The following MAST4 variants were observed in gnomAD, a reference collection of about 807,000 sequenced individuals.
MAST4 encodes the protein microtubule associated serine/threonine kinase family member 4.
Under a neutral mutation model 162.7 loss-of-function variants are expected in MAST4, and 89 were observed. That is an observed-to-expected ratio of 0.55 (90% CI 0.46 to 0.65). The LOEUF is 0.65. Ranked by LOEUF, MAST4 falls within the 30% of genes least tolerant of loss-of-function variation. The pLI is 0.00. For synonymous variants in MAST4, 1,479 were observed against 1,361.1 expected (o/e 1.09, Z -1.91); for missense variants, 3,153 against 3,374.0 (o/e 0.93, Z 1.62).
intron 1 of MAST4, among the ~76,000 whole-genome samples, chr5:66,665,097 C>G (rs1391665988): frequency 6.6e-6 from 1 of 152,096 alleles, no homozygotes; most frequent in East Asian, 1.9e-4. Context: ...TTCCTCAAAA[C>G]CGATTAAAGA....
intron 2 of MAST4, among the ~76,000 whole-genome samples, chr5:66,779,281 C>A (rs1754742530): frequency 6.6e-6 from 1 of 151,962 alleles, no homozygotes; most frequent in Non-Finnish European, 1.5e-5. Context: ...CTTGGTCCAG[C>A]TTTCAGTTTC....
chr5:66,597,095 G>A, intron 1 of MAST4, 77 bp downstream of exon 1: 3 of 1,312,364 alleles, frequency 2.3e-6, no homozygotes, highest in East Asian at 6.3e-5. Flanking sequence ...CGCACAGGCA[G>A]TGGGCAGGAG....
At chr5:66,610,862 TA>T (rs1272535978) in intron 1 of MAST4, among the ~76,000 whole-genome samples, 2 of 152,222 alleles carry the variant, frequency 1.3e-5, no homozygotes, top group Non-Finnish European at 2.9e-5. Context: ...TCTTTGTCTT[TA>T]GGACATCTTC....
rs113618871 is a variant in MAST4, at chr5:66,915,164, G to A, written c.674+15182G>A. 7.0e-3 allele frequency among the ~76,000 whole-genome samples: 1,066 copies of A among 151,702 alleles called. 15 individuals carry two copies. The highest frequency in any genetic ancestry group is 0.025 in the African/African-American group (1,014 of 41,312). ...ACTTGTAATCCCAGCTATTCAGGAG[G>A]CTGATGCGGGAGAATCATTTGAACC... On this transcript the variant is annotated intron_variant, in intron 4 of 28. Transcript: ENST00000403625.
chr5:66,794,899 T>C lies in MAST4; in HGVS notation c.642+6105T>C, dbSNP rs1357348171. 3.3e-5 allele frequency among the ~76,000 whole-genome samples: 5 copies of C among 152,226 alleles called. No homozygotes were observed. In the South Asian group the frequency reaches 8.3e-4, roughly 25 times the overall value. ...ATATTCAAAGAGCCTTGATGAATAT[T>C]CATCTTTTCCATTTGCAAAAAAGAA... On this transcript the variant is annotated intron_variant, in intron 3 of 28. Coordinates refer to ENST00000403625, the MANE Select transcript of MAST4 (RefSeq NM_001164664.2).
chr5:66,919,621 T>G (rs1250718008), intron 4 of MAST4, among the ~76,000 whole-genome samples: 1 of 137,088 alleles, frequency 7.3e-6, no homozygotes, highest in East Asian at 2.1e-4. Flanking sequence ...AGATCGTCAC[T>G]GCACTCCAGC....
intron 1 of MAST4, among the ~76,000 whole-genome samples, chr5:66,650,807 A>G (rs190647523): frequency 5.9e-5 from 9 of 152,360 alleles, no homozygotes; most frequent in Non-Finnish European, 8.8e-5. Context: ...TCAGTATTCT[A>G]ATACATCACT....
intron 3 of MAST4, among the ~76,000 whole-genome samples, chr5:66,821,741 T>C (rs779686176): frequency 1.4e-4 from 22 of 152,328 alleles, no homozygotes; most frequent in Middle Eastern, 3.4e-3. Context: ...AGCTTTGCTG[T>C]CTGACTTGGG....
At chr5:66,986,498 A>C (rs748055189) in intron 4 of MAST4, 21 of 1,564,964 alleles carry the variant, frequency 1.3e-5, no homozygotes, top group Non-Finnish European at 1.7e-5. Context: ...TTGCCACCAC[A>C]TTAAATAAAA....
At chr5:67,135,293 A>G (rs961075905) in intron 18 of MAST4, among the ~76,000 whole-genome samples, 4 of 152,168 alleles carry the variant, frequency 2.6e-5, no homozygotes, top group African/African-American at 7.2e-5. Context: ...TTAACCTGCA[A>G]GCTGACCCTA....
chr5:66,950,552 G>T (rs1312955397), intron 4 of MAST4, among the ~76,000 whole-genome samples: 1 of 152,126 alleles, frequency 6.6e-6, no homozygotes, highest in Non-Finnish European at 1.5e-5. Context: ...GTCCTTTTGT[G>T]TCTGGCTTAT....
At chr5:67,042,483 T>C (rs1756869857) in intron 4 of MAST4, among the ~76,000 whole-genome samples, 1 of 151,948 alleles carries the variant, frequency 6.6e-6, no homozygotes, top group African/African-American at 2.4e-5. Context: ...AGAAAAGACA[T>C]CTGTCAAGTT....
intron 4 of MAST4, among the ~76,000 whole-genome samples, chr5:66,913,282 C>T (rs71626471): frequency 0.012 from 1,785 of 152,104 alleles, 28 homozygotes; most frequent in South Asian, 0.053. Context: ...TGCTCCCCCA[C>T]CCCCACATCC....
intron 3 of MAST4, among the ~76,000 whole-genome samples, chr5:66,898,719 T>C (rs1762833819): frequency 6.6e-6 from 1 of 152,240 alleles, no homozygotes; most frequent in African/African-American, 2.4e-5. Context: ...AAATTGCTGA[T>C]TGTTTTTCTT....
At chr5:67,038,124 T>TA (rs1756255797) in intron 4 of MAST4, among the ~76,000 whole-genome samples, 2 of 152,150 alleles carry the variant, frequency 1.3e-5, no homozygotes, top group Admixed American at 1.3e-4. Flanking sequence ...GAAAACACCT[T>TA]AACCTATGAT....
intron 3 of MAST4, among the ~76,000 whole-genome samples, chr5:66,863,968 G>A (rs1170589660): frequency 3.9e-5 from 6 of 152,178 alleles, no homozygotes; most frequent in Admixed American, 2.6e-4. Context: ...TTCAATGTGT[G>A]TTTTGCAGGA....
chr5:66,843,604 C>G (rs1758582102), intron 3 of MAST4, among the ~76,000 whole-genome samples: 1 of 152,104 alleles, frequency 6.6e-6, no homozygotes, highest in Non-Finnish European at 1.5e-5. Flanking sequence ...GAAGAAGGAA[C>G]ATAGACTTAA....
chr5:66,815,772 C>T (rs1756688450), intron 3 of MAST4, among the ~76,000 whole-genome samples: 1 of 152,148 alleles, frequency 6.6e-6, no homozygotes, highest in Non-Finnish European at 1.5e-5. Flanking sequence ...ATACATACAT[C>T]CTTTTGAATC....
intron 2 of MAST4, among the ~76,000 whole-genome samples, chr5:66,762,475 G>T (rs1469260671): frequency 1.3e-5 from 2 of 152,180 alleles, no homozygotes; most frequent in Non-Finnish European, 2.9e-5. Flanking sequence ...GGTGGCATGG[G>T]CTCATGGAAA....
Sources: gnomAD v4.1 joint callset for allele counts (sites outside exome capture counted in the v4.1 genomes callset) on GRCh38, gnomAD v4.1.1 for gene constraint, MANE v1.5 for transcripts, NCBI Gene and HGNC (gene_info 2026-07-23, HGNC 2026-07-21) for gene names.